The following DOCK1 variants were observed in gnomAD, a reference collection of about 807,000 sequenced individuals.
DOCK1 encodes dedicator of cytokinesis 1.
Under a neutral mutation model 262.7 loss-of-function variants are expected in DOCK1, and 138 were observed. That is an observed-to-expected ratio of 0.53 (90% CI 0.46 to 0.61). The LOEUF (loss-of-function observed/expected upper bound fraction) is 0.61. Among genes scored for constraint, DOCK1 ranks in the 20% least tolerant of loss-of-function variants. The pLI, the probability that DOCK1 is intolerant of heterozygous loss-of-function variation, is 0.00. For synonymous variants in DOCK1, 866 were observed against 867.4 expected (o/e 1.00, Z 0.03); for missense variants, 1,908 against 2,370.7 (o/e 0.80, Z 4.05).
chr10:127,412,349 G>A (rs2067909311), intron 43 of DOCK1, among the ~76,000 whole-genome samples: 1 of 152,132 alleles, frequency 6.6e-6, no homozygotes. Context: ...ATAGAGGTGG[G>A]GTCTATGTTG....
intron 1 of DOCK1, among the ~76,000 whole-genome samples, chr10:126,940,261 G>T (rs968141930): frequency 6.6e-6 from 1 of 152,162 alleles, no homozygotes; most frequent in Non-Finnish European, 1.5e-5. Context: ...ATTTGCAGTT[G>T]GGAGTTGATT....
chr10:127,230,091 T>C (rs770183368), intron 27 of DOCK1, among the ~76,000 whole-genome samples: 1 of 152,240 alleles, frequency 6.6e-6, no homozygotes, highest in Admixed American at 6.5e-5. Flanking sequence ...CCATTTCCTT[T>C]GCCCCTTTTT....
At chr10:127,130,557 C>A (rs2050261171) in intron 27 of DOCK1, among the ~76,000 whole-genome samples, 1 of 152,186 alleles carries the variant, frequency 6.6e-6, no homozygotes, top group African/African-American at 2.4e-5. Flanking sequence ...GTAGAATAGA[C>A]CCTGCAGGGA....
At position 127,357,290 on chromosome 10, in the gene DOCK1, G is replaced by A. The variant is rs527931313; in HGVS notation, c.3283+2563G>A. On this transcript the variant is annotated intron_variant, in intron 32 of 51. Coordinates refer to ENST00000623213, the MANE Select transcript of DOCK1 (RefSeq NM_001290223.2). ...TGCAAGTATAGTTAATGTCACCTCT[G>A]TAGTCCCTGAGATTGATCACCACTG... Among the ~76,000 whole-genome samples, 15 of 152,312 alleles carry A rather than the reference G, an allele frequency of 9.8e-5. No homozygotes were observed. In the East Asian group the frequency reaches 2.9e-3, roughly 29 times the overall value.
At chr10:127,292,373 CA>C (rs1406670906) in intron 29 of DOCK1, among the ~76,000 whole-genome samples, 11 of 152,108 alleles carry the variant, frequency 7.2e-5, no homozygotes, top group Non-Finnish European at 1.3e-4. Context: ...GAGCGCTCTC[CA>C]CTGGCCACCT....
intron 25 of DOCK1, among the ~76,000 whole-genome samples, chr10:127,112,975 C>T (rs148128163): frequency 1.3e-5 from 2 of 152,296 alleles, no homozygotes; most frequent in African/African-American, 4.8e-5. Context: ...ATCTTACCTC[C>T]TGGTCAGGAG....
At chr10:127,069,362 A>G (rs1435872333) in intron 23 of DOCK1, among the ~76,000 whole-genome samples, 1 of 151,970 alleles carries the variant, frequency 6.6e-6, no homozygotes, top group Non-Finnish European at 1.5e-5. Context: ...GGTGCGTTCC[A>G]CTCCCTCTGA....
rs776080946 is a variant in DOCK1, at chr10:127,191,543, G to T, written c.2848-56465G>T. Among the ~76,000 whole-genome samples the T allele has an allele frequency of 7.9e-5, 12 of 152,090 alleles. No individual in the cohort carries two copies. In the South Asian group the frequency reaches 1.7e-3, roughly 21 times the overall value. On this transcript the variant is annotated intron_variant, in intron 27 of 51. Transcript: ENST00000623213. ...CTGTACAAAATGCAGGTAGTAAGAG[G>T]TATCTAAAATGTAACCACTAAGTAC...
Position 127,404,437 on chromosome 10 carries a change from T to C in DOCK1, c.4122+8T>C, listed in dbSNP as rs1274400902. 2 of 1,611,520 alleles carry C rather than the reference T, an allele frequency of 1.2e-6. No individual in the cohort carries two copies. Among genetic ancestry groups the C allele is most frequent in the Admixed American group, 1.7e-5 (1 of 59,794 alleles). The stretch of plus-strand genomic sequence containing the variant: ...TTCCCCACATTCCTGCGGGTAAAGT[T>C]TGGTTCTGCCTAATCTGAGCCATGA... On this transcript the variant is annotated splice_region_variant and intron_variant, in intron 40 of 51. Coordinates refer to ENST00000623213, the MANE Select transcript of DOCK1 (RefSeq NM_001290223.2).
chr10:127,328,731 C>T (rs1257017400), intron 29 of DOCK1, among the ~76,000 whole-genome samples: 1 of 152,066 alleles, frequency 6.6e-6, no homozygotes, highest in Non-Finnish European at 1.5e-5. Context: ...TAATGCCCCA[C>T]CTACTTCCAG....
chr10:127,340,489 C>G (rs189089495), intron 30 of DOCK1, among the ~76,000 whole-genome samples: 71 of 152,282 alleles, frequency 4.7e-4, no homozygotes, highest in East Asian at 3.7e-3. Context: ...ATTTATTCAG[C>G]CATTTCTGCA....
At chr10:127,126,456 C>T (rs780482596) in intron 26 of DOCK1, among the ~76,000 whole-genome samples, 3 of 152,058 alleles carry the variant, frequency 2.0e-5, no homozygotes, top group Non-Finnish European at 4.4e-5. Flanking sequence ...GCCAGCCCAG[C>T]GAAGTAGCTC....
At chr10:127,077,948 G>T (rs941130491) in intron 23 of DOCK1, among the ~76,000 whole-genome samples, 3 of 152,062 alleles carry the variant, frequency 2.0e-5, no homozygotes, top group Non-Finnish European at 4.4e-5. Context: ...GAAGGAGGTG[G>T]TGGGGATGGG....
intron 23 of DOCK1, among the ~76,000 whole-genome samples, chr10:127,077,123 G>A (rs753353469): frequency 3.3e-5 from 5 of 152,136 alleles, no homozygotes; most frequent in African/African-American, 4.8e-5. Flanking sequence ...GGCCGAGCGC[G>A]GTGGCTTATG....
intron 31 of DOCK1, among the ~76,000 whole-genome samples, chr10:127,348,424 CAG>C (rs1165135833): frequency 1.3e-5 from 2 of 152,150 alleles, no homozygotes; most frequent in East Asian, 3.9e-4. Context: ...TGGTGTGGGA[CAG>C]TGTGTTGAAT....
intron 1 of DOCK1, among the ~76,000 whole-genome samples, chr10:126,905,901 C>T (rs1219913314): frequency 6.6e-6 from 1 of 152,118 alleles, no homozygotes; most frequent in Non-Finnish European, 1.5e-5. Flanking sequence ...AACTCCCCGG[C>T]CCCGGCCGCT....
In DOCK1 at chr10:127,451,402, CG is replaced by C; in HGVS notation, c.5638del (p.Val1880TrpfsTer65). ...PPPKTTRKQA[S>X]VDSGIVQ The stretch of plus-strand genomic sequence containing the variant: ...CCAAAGACAACTCGCAAGCAGGCAT[CG>C]GTGGACTCCGGGATCGTGCAGTGAC... On this transcript the variant is annotated frameshift_variant, in exon 52 of 52. Transcript: ENST00000623213. LOFTEE classifies it high-confidence loss of function. 6.3e-7 allele frequency: 1 copy of C among 1,589,330 alleles called. No individual in the cohort carries two copies.
At chr10:127,434,558 A>G (rs995866933) in intron 48 of DOCK1, among the ~76,000 whole-genome samples, 6 of 152,070 alleles carry the variant, frequency 3.9e-5, no homozygotes, top group Non-Finnish European at 1.5e-5. Flanking sequence ...CTCTGTACCC[A>G]TTTAACAACA....
chr10:127,341,991 C>T (rs746812177), intron 30 of DOCK1, among the ~76,000 whole-genome samples: 5 of 152,058 alleles, frequency 3.3e-5, no homozygotes, highest in Non-Finnish European at 7.4e-5. Flanking sequence ...CAGCCCTGGT[C>T]CTATGTAGGA....
Sources: gnomAD v4.1 joint callset for allele counts (sites outside exome capture counted in the v4.1 genomes callset) on GRCh38, gnomAD v4.1.1 for gene constraint, MANE v1.5 for transcripts, NCBI Gene and HGNC (gene_info 2026-07-23, HGNC 2026-07-21) for gene names.